Variants in SUMF1 observed in about 807,000 individuals in gnomAD.
SUMF1 encodes sulfatase modifying factor 1, also known as formylglycine-generating enzyme.
A neutral mutation model predicts 47.6 loss-of-function variants in SUMF1; 48 were observed. The observed-to-expected ratio is 1.01, with a 90% CI of 0.80 to 1.28. The LOEUF is 1.28. SUMF1 is among the 50% of genes most tolerant of loss of function. SUMF1 has a pLI of 0.00. For missense variants in SUMF1, 571 were observed against 485.4 expected (o/e 1.18, Z -1.66); for synonymous variants, 230 against 192.1 (o/e 1.20, Z -1.63).
intron 8 of SUMF1, among the ~76,000 whole-genome samples, chr3:4,087,284 A>G (rs975879884): frequency 3.9e-5 from 6 of 152,166 alleles, no homozygotes; most frequent in Non-Finnish European, 8.8e-5. Flanking sequence ...GAGCTGGGCA[A>G]GTTATAATAC....
intron 7 of SUMF1, among the ~76,000 whole-genome samples, chr3:4,385,056 C>T (rs555439723): frequency 3.2e-4 from 48 of 151,834 alleles, no homozygotes; most frequent in African/African-American, 1.2e-3. Flanking sequence ...CAGCTAATTT[C>T]TGTATTTTTA....
intron 8 of SUMF1, among the ~76,000 whole-genome samples, chr3:4,104,415 C>T (rs528026407): frequency 3.3e-5 from 5 of 152,140 alleles, no homozygotes; most frequent in Admixed American, 1.3e-4. Context: ...CAGACTAATA[C>T]AGCCCTTCAG....
Position 4,057,020 on chromosome 3 carries a change from A to G in SUMF1, c.1191+11549T>C, listed in dbSNP as rs575602719. ...CTCAGCCTCCCAAAGTGCTGGGATC[A>G]CAGGCGTGAGCCACCGCGCCCGGCC... On this transcript the variant is annotated intron_variant and NMD_transcript_variant, in intron 9 of 12. Coordinates refer to the SUMF1 transcript ENST00000448413. 1.4e-4 allele frequency among the ~76,000 whole-genome samples: 22 copies of G among 152,276 alleles called. No individual in the cohort carries two copies. The South Asian group carries it at 3.9e-3, about 27-fold the overall frequency.
chr3:4,305,852 A>G (rs577303758), intron 8 of SUMF1, among the ~76,000 whole-genome samples: 70 of 152,318 alleles, frequency 4.6e-4, no homozygotes, highest in African/African-American at 1.7e-3. Context: ...AGAAATTATT[A>G]TTGTTCCCCA....
At chr3:4,464,286 T>C (rs2079884126) in intron 1 of SUMF1, among the ~76,000 whole-genome samples, 1 of 147,654 alleles carries the variant, frequency 6.8e-6, no homozygotes, top group South Asian at 2.1e-4. Context: ...CTTTTTTTTT[T>C]TGAGGCACTA....
intron 7 of SUMF1, among the ~76,000 whole-genome samples, chr3:4,390,749 A>AT (rs1450127958): frequency 6.6e-6 from 1 of 152,012 alleles, no homozygotes; most frequent in Non-Finnish European, 1.5e-5. Flanking sequence ...TACCTGGCTA[A>AT]TTTTTGTATT....
chr3:4,103,830 C>G (rs1224369838), intron 8 of SUMF1, among the ~76,000 whole-genome samples: 1 of 152,120 alleles, frequency 6.6e-6, no homozygotes, highest in Non-Finnish European at 1.5e-5. Context: ...CAACTGGAAA[C>G]AGCTGATAGA....
At chr3:4,045,928 A>G (rs1001161831) in intron 9 of SUMF1, among the ~76,000 whole-genome samples, 2 of 152,184 alleles carry the variant, frequency 1.3e-5, no homozygotes, top group Non-Finnish European at 2.9e-5. Flanking sequence ...GCTTATGCCT[A>G]TAATTCCAGT....
chr3:4,354,374 C>T (rs1351729170), intron 8 of SUMF1, among the ~76,000 whole-genome samples: 1 of 152,166 alleles, frequency 6.6e-6, no homozygotes, highest in Non-Finnish European at 1.5e-5. Context: ...GACTATCCTC[C>T]CTTTTCGTTT....
At chr3:4,395,060 C>G (rs1700997693) in intron 7 of SUMF1, among the ~76,000 whole-genome samples, 1 of 152,162 alleles carries the variant, frequency 6.6e-6, no homozygotes, top group Non-Finnish European at 1.5e-5. Context: ...GTATTTCATC[C>G]TCATAATCAC....
At chr3:4,230,072 T>C (rs1432656306) in intron 8 of SUMF1, among the ~76,000 whole-genome samples, 1 of 152,080 alleles carries the variant, frequency 6.6e-6, no homozygotes, top group Non-Finnish European at 1.5e-5. Flanking sequence ...ACGATAGTTT[T>C]TTTTTTTTAG....
chr3:4,166,195 G>A (rs895097935), intron 8 of SUMF1, among the ~76,000 whole-genome samples: 2 of 152,130 alleles, frequency 1.3e-5, no homozygotes, highest in African/African-American at 4.8e-5. Context: ...AAACCTGTTA[G>A]AGTCCTAAGC....
At chr3:4,322,142 C>G (rs911081298) in intron 8 of SUMF1, among the ~76,000 whole-genome samples, 3 of 151,964 alleles carry the variant, frequency 2.0e-5, no homozygotes, top group Non-Finnish European at 2.9e-5. Context: ...CAAGAGGAGT[C>G]AAAGAAGACA....
intron 8 of SUMF1, among the ~76,000 whole-genome samples, chr3:4,363,790 C>T (rs1489672678): frequency 8.3e-6 from 1 of 120,982 alleles, no homozygotes; most frequent in East Asian, 2.8e-4. Flanking sequence ...GAGGGCATCC[C>T]TGTCTTGTGC....
intron 8 of SUMF1, among the ~76,000 whole-genome samples, chr3:4,177,411 A>G (rs1694990763): frequency 1.3e-5 from 2 of 152,212 alleles, no homozygotes; most frequent in Admixed American, 1.3e-4. Flanking sequence ...AACTACATGG[A>G]AATTGAACAA....
intron 8 of SUMF1, among the ~76,000 whole-genome samples, chr3:4,098,734 C>A (rs1405750395): frequency 6.6e-6 from 1 of 152,100 alleles, no homozygotes; most frequent in Non-Finnish European, 1.5e-5. Context: ...CTCCATCTGC[C>A]AAGAGGCATT....
chr3:4,264,888 C>A (rs1264913705), intron 8 of SUMF1, among the ~76,000 whole-genome samples: 1 of 152,158 alleles, frequency 6.6e-6, no homozygotes, highest in Non-Finnish European at 1.5e-5. Context: ...AATCCCAGCA[C>A]TTTGGCAGGC....
At chr3:4,221,619 G>C (rs1174184998) in intron 8 of SUMF1, among the ~76,000 whole-genome samples, 1 of 152,018 alleles carries the variant, frequency 6.6e-6, no homozygotes. Flanking sequence ...CACTCATTCA[G>C]TTATTTGATA....
At chr3:4,311,814 C>T (rs1391421417) in intron 8 of SUMF1, among the ~76,000 whole-genome samples, 3 of 152,102 alleles carry the variant, frequency 2.0e-5, no homozygotes, top group African/African-American at 7.2e-5. Flanking sequence ...AGGAATAAAG[C>T]AGGTATAAAA....
Sources: gnomAD v4.1 joint callset for allele counts (sites outside exome capture counted in the v4.1 genomes callset) on GRCh38, gnomAD v4.1.1 for gene constraint, MANE v1.5 for transcripts, NCBI Gene and HGNC (gene_info 2026-07-23, HGNC 2026-07-21) for gene names.